Variants in GREB1L observed in about 807,000 individuals in gnomAD.
GREB1L encodes the protein GREB1 like retinoic acid receptor coactivator, also known as GREB1-like protein.
Under a neutral mutation model 200.8 loss-of-function variants are expected in GREB1L, and 17 were observed. That is an observed-to-expected ratio of 0.08 (90% CI 0.06 to 0.13). The LOEUF (loss-of-function observed/expected upper bound fraction) is 0.13. Among genes scored for constraint, GREB1L ranks in the 10% least tolerant of loss-of-function variants. The pLI, the probability that GREB1L is intolerant of heterozygous loss-of-function variation, is 1.00. For synonymous variants in GREB1L, 789 were observed against 893.0 expected (o/e 0.88, Z 2.08); for missense variants, 1,657 against 2,367.7 (o/e 0.70, Z 6.23).
intron 7 of GREB1L, among the ~76,000 whole-genome samples, chr18:21,411,993 C>T (rs1236662093): frequency 2.8e-5 from 4 of 141,656 alleles, no homozygotes; most frequent in Admixed American, 7.7e-5. Flanking sequence ...TGCAGTGAGC[C>T]GAGATTGCGC....
At chr18:21,250,326 A>G (rs1366985999) in intron 1 of GREB1L, among the ~76,000 whole-genome samples, 3 of 152,170 alleles carry the variant, frequency 2.0e-5, no homozygotes, top group Non-Finnish European at 4.4e-5. Context: ...TGATCTGTCA[A>G]TTCCTCCTGC....
intron 15 of GREB1L, among the ~76,000 whole-genome samples, chr18:21,469,952 C>T (rs1022377038): frequency 2.6e-5 from 4 of 151,994 alleles, no homozygotes; most frequent in Non-Finnish European, 5.9e-5. Flanking sequence ...GTTCTTTGCT[C>T]GGCCATATAC....
At chr18:21,408,182 T>C (rs2030510627) in intron 7 of GREB1L, among the ~76,000 whole-genome samples, 1 of 152,222 alleles carries the variant, frequency 6.6e-6, no homozygotes, top group Non-Finnish European at 1.5e-5. Context: ...TTTATCCTGA[T>C]TTAATCATTA....
chr18:21,302,276 C>T (rs1242822577), intron 1 of GREB1L, among the ~76,000 whole-genome samples: 1 of 152,110 alleles, frequency 6.6e-6, no homozygotes, highest in Non-Finnish European at 1.5e-5. Flanking sequence ...TAGTAGTATG[C>T]TTTTTTGGAG....
intron 17 of GREB1L, among the ~76,000 whole-genome samples, chr18:21,484,257 C>T (rs9945899): frequency 6.6e-6 from 1 of 150,828 alleles, no homozygotes; most frequent in African/African-American, 2.4e-5. Flanking sequence ...CTCACTGCAA[C>T]CTCCACCTCC....
Position 21,282,308 on chromosome 18 carries a change from G to A in GREB1L, c.-120+39915G>A, listed in dbSNP as rs563838051. Among the ~76,000 whole-genome samples, 11 of 151,994 alleles carry A rather than the reference G, an allele frequency of 7.2e-5. No individual in the cohort carries two copies. In the South Asian group the frequency reaches 2.3e-3, roughly 32 times the overall value. ...AATTATGGTGAATACCTTTCATGTCGACAAATTAAATTTAGATCTATAAAG... is the reference window on the plus strand; with the variant it reads ...AATTATGGTGAATACCTTTCATGTCAACAAATTAAATTTAGATCTATAAAG... On this transcript the variant is annotated intron_variant, in intron 1 of 32. Transcript: ENST00000424526.
rs1386160072 is a variant in GREB1L at position 21,524,592 on chromosome 18, T to C, written c.*1771T>C. ...ACCAAGAAACCCACTGTCTGTGCAATATTCCAATAACATTTACATAGGGCA... is the reference window on the plus strand; with the variant it reads ...ACCAAGAAACCCACTGTCTGTGCAACATTCCAATAACATTTACATAGGGCA... On this transcript the variant is annotated 3_prime_UTR_variant, in exon 33 of 33. Coordinates refer to ENST00000424526, the MANE Select transcript of GREB1L (RefSeq NM_001142966.3). The C allele has an allele frequency of 6.6e-6, 1 of 152,224 alleles. No homozygotes were observed. The highest frequency in any genetic ancestry group is 1.5e-5 in the Non-Finnish European group (1 of 68,036). The allele number at this position is 152,224 out of a possible 1,614,324, so 9.4% of individuals were successfully genotyped here. A position where few individuals can be genotyped will look rare whatever the true frequency, so the allele number is the denominator to read the frequency against.
chr18:21,396,490 A>C (rs941387914), intron 5 of GREB1L, among the ~76,000 whole-genome samples: 10 of 152,246 alleles, frequency 6.6e-5, no homozygotes, highest in African/African-American at 2.4e-4. Context: ...ATATCAAGTC[A>C]GCTCTGATAT....
chr18:21,303,838 G>A (rs780954870), intron 1 of GREB1L, among the ~76,000 whole-genome samples: 5 of 152,174 alleles, frequency 3.3e-5, no homozygotes, highest in South Asian at 4.2e-4. Context: ...TTGAGAGTTC[G>A]TCTTATGAGA....
At chr18:21,445,817 A>G (rs1355051390) in intron 11 of GREB1L, among the ~76,000 whole-genome samples, 2 of 152,192 alleles carry the variant, frequency 1.3e-5, no homozygotes, top group African/African-American at 4.8e-5. Flanking sequence ...AGGTAATACA[A>G]TTATAAAGCT....
At chr18:21,384,184 T>C (rs1381053596) in intron 3 of GREB1L, 22 bp from the exon 4 acceptor site, 1 of 1,441,420 alleles carries the variant, frequency 6.9e-7, no homozygotes, top group South Asian at 1.2e-5. Context: ...TTAAATCTGC[T>C]GTGATTTATT....
At chr18:21,438,618 C>T (rs1263629713) in intron 7 of GREB1L, among the ~76,000 whole-genome samples, 5 of 151,702 alleles carry the variant, frequency 3.3e-5, no homozygotes, top group Non-Finnish European at 7.4e-5. Context: ...GCAGTGAGCT[C>T]TGAGCCCGCC....
intron 1 of GREB1L, among the ~76,000 whole-genome samples, chr18:21,267,016 C>G (rs565564975): frequency 2.8e-4 from 42 of 152,222 alleles, no homozygotes; most frequent in Non-Finnish European, 4.9e-4. Flanking sequence ...TCACTGCAAC[C>G]TCTACTTCCT....
At chr18:21,401,402 G>A in intron 6 of GREB1L, 76 bp downstream of exon 6, 1 of 1,212,100 alleles carries the variant, frequency 8.3e-7, no homozygotes, top group Non-Finnish European at 1.1e-6. Flanking sequence ...ACAAGATTCA[G>A]AGTTCAGGTG....
At position 21,505,813 on chromosome 18, in the gene GREB1L, T is replaced by A. The variant is rs1281688229; in HGVS notation, c.4232T>A (p.Val1411Glu). ...CTTTTTGCCCCTTTATACACAGAAGTGATAAAGGAATCCAAAGTTGAAGAG... is the reference window on the plus strand; with the variant it reads ...CTTTTTGCCCCTTTATACACAGAAGAGATAAAGGAATCCAAAGTTGAAGAG... Reference protein sequence around the residue: ...TEKLAGVKQEVIKESKVEEPR... With the variant: ...TEKLAGVKQEEIKESKVEEPR... The change falls in exon 25 of 33, where the codon GTG becomes GAG. Residue 1411 changes from valine (V) to glutamate (E), a missense_variant. Transcript: ENST00000424526. The A allele has an allele frequency of 1.2e-5, 18 of 1,551,126 alleles. No homozygotes were observed. Among genetic ancestry groups the A allele is most frequent in the Non-Finnish European group, 1.6e-5 (18 of 1,146,732 alleles).
chr18:21,427,309 G>A (rs1339794735), intron 7 of GREB1L, among the ~76,000 whole-genome samples: 1 of 151,928 alleles, frequency 6.6e-6, no homozygotes, highest in Non-Finnish European at 1.5e-5. Flanking sequence ...TTCAAGAGCA[G>A]CCTGGGCAAC....
At position 21,477,243 on chromosome 18, in the gene GREB1L, G is replaced by A; in HGVS notation, c.2443G>A (p.Glu815Lys). The A allele has an allele frequency of 6.4e-7, 1 of 1,551,888 alleles. No homozygotes were observed. The highest frequency in any genetic ancestry group is 8.7e-7 in the Non-Finnish European group (1 of 1,146,986). ...DRVINCREVLEAFNLLVLQVS... is the reference protein window; with the variant it reads ...DRVINCREVLKAFNLLVLQVS... Reference sequence around the variant, plus strand: ...AGTCATTAATTGCAGAGAAGTTCTGGAAGCTTTCAACCTCCTGGTGCTCCA... The same window carrying A: ...AGTCATTAATTGCAGAGAAGTTCTGAAAGCTTTCAACCTCCTGGTGCTCCA... The change falls in exon 17 of 33, where the codon GAA (glutamate) becomes AAA (lysine). Residue 815 changes from glutamate (E) to lysine (K), a missense_variant. Physicochemically the swap from Glu to Lys is moderately conservative, Grantham distance 56. Around this residue, in one of 9 missense-constraint regions of GREB1L, gnomAD observed 239 missense variants for 421.8 expected, o/e 0.57. Transcript: ENST00000424526.
chr18:21,516,522 A>C (rs1568078983), intron 29 of GREB1L, 91 bp from the exon 30 acceptor site: 3 of 1,264,630 alleles, frequency 2.4e-6, no homozygotes, highest in Admixed American at 2.3e-5. Context: ...TTAGGCTCCT[A>C]ATATCTTGCC....
intron 7 of GREB1L, among the ~76,000 whole-genome samples, chr18:21,427,466 C>T (rs919835625): frequency 7.9e-5 from 12 of 151,898 alleles, no homozygotes; most frequent in East Asian, 1.9e-4. Flanking sequence ...GATCATGCCA[C>T]TACACTCCAG....
Sources: gnomAD v4.1 joint callset for allele counts (sites outside exome capture counted in the v4.1 genomes callset) on GRCh38, gnomAD v4.1.1 for gene constraint, gnomAD v4.1.1 regional missense constraint, MANE v1.5 for transcripts, NCBI Gene and HGNC (gene_info 2026-07-23, HGNC 2026-07-21) for gene names.